Variants in STAC observed in about 807,000 individuals in gnomAD.
The protein encoded by STAC is SH3 and cysteine rich domain.
In STAC, 43 loss-of-function variants were observed where a neutral mutation model predicts 48.8. The ratio of observed to expected loss-of-function variants is 0.88; its 90% CI spans 0.69 to 1.14. The LOEUF (loss-of-function observed/expected upper bound fraction) is 1.14. Ranked by LOEUF, STAC falls within the 50% of genes most tolerant of loss-of-function variation. The pLI, the probability that STAC is intolerant of heterozygous loss-of-function variation, is 0.00. For missense variants in STAC, 497 were observed against 504.0 expected (o/e 0.99, Z 0.13); for synonymous variants, 193 against 179.5 (o/e 1.07, Z -0.60).
At chr3:36,408,810 C>T (rs991492349) in intron 1 of STAC, among the ~76,000 whole-genome samples, 2 of 152,160 alleles carry the variant, frequency 1.3e-5, no homozygotes, top group Admixed American at 1.3e-4. Context: ...TCCCTAGAGT[C>T]TCTCTGCATT....
intron 1 of STAC, among the ~76,000 whole-genome samples, chr3:36,411,105 C>G (rs1388056914): frequency 6.6e-6 from 1 of 152,216 alleles, no homozygotes; most frequent in Admixed American, 6.5e-5. Flanking sequence ...CTGGACTCAT[C>G]CTTGGCTACT....
At chr3:36,403,613 GA>G (rs1382419671) in intron 1 of STAC, among the ~76,000 whole-genome samples, 2 of 151,726 alleles carry the variant, frequency 1.3e-5, no homozygotes, top group African/African-American at 4.8e-5. Context: ...AATGATATGT[GA>G]AAAAATGAAA....
chr3:36,385,974 G>A (rs1458875992), intron 1 of STAC, among the ~76,000 whole-genome samples: 2 of 151,920 alleles, frequency 1.3e-5, no homozygotes, highest in Admixed American at 6.6e-5. Flanking sequence ...TATATTCTTT[G>A]TGGCACATAT....
chr3:36,471,859 C>T (rs936738993), intron 2 of STAC, among the ~76,000 whole-genome samples: 1 of 152,186 alleles, frequency 6.6e-6, no homozygotes, highest in African/African-American at 2.4e-5. Flanking sequence ...GCTACTTTTC[C>T]AGGCACACGG....
At chr3:36,482,848 T>C (rs1480847053) in intron 2 of STAC, 144 bp from the exon 3 acceptor site, 17 of 614,518 alleles carry the variant, frequency 2.8e-5, no homozygotes, top group South Asian at 2.2e-4. Flanking sequence ...GAATCTACCA[T>C]ATATATTTTT....
At chr3:36,478,828 GC>G (rs1454278900) in intron 2 of STAC, among the ~76,000 whole-genome samples, 1 of 152,082 alleles carries the variant, frequency 6.6e-6, no homozygotes, top group Non-Finnish European at 1.5e-5. Context: ...TCACCATGTT[GC>G]CCAGACTGGT....
intron 2 of STAC, among the ~76,000 whole-genome samples, chr3:36,472,569 G>A (rs1008228234): frequency 6.6e-6 from 1 of 152,206 alleles, no homozygotes; most frequent in East Asian, 1.9e-4. Flanking sequence ...GTCACCTCTT[G>A]AATGCTTTGC....
chr3:36,443,775 T>C lies in STAC; in HGVS notation c.388+135T>C, dbSNP rs1184157215. The C allele has an allele frequency of 5.9e-6, 7 of 1,184,834 alleles. No homozygotes were observed. The highest frequency in any genetic ancestry group is 8.2e-6 in the Non-Finnish European group (7 of 849,468). 73.4% of individuals were successfully genotyped at this position (1,184,834 alleles called of 1,614,324 possible). Reference sequence around the variant, plus strand: ...TACATGTGGGAAGATCATTCAGGAGTGCTTTGGGGAACAATATTTGTGAGA... The same window carrying C: ...TACATGTGGGAAGATCATTCAGGAGCGCTTTGGGGAACAATATTTGTGAGA... On this transcript the variant is annotated intron_variant, in intron 2 of 10. Transcript: ENST00000273183. The surrounding 1 kb of genome is among the most constrained non-coding windows in gnomAD (Gnocchi z 4.2).
chr3:36,503,948 A>G (rs916874829), intron 6 of STAC, among the ~76,000 whole-genome samples: 1 of 152,224 alleles, frequency 6.6e-6, no homozygotes, highest in East Asian at 1.9e-4. Flanking sequence ...TCAAGAAACT[A>G]CAATCAAGAT....
chr3:36,434,883 C>T (rs1575196909), intron 1 of STAC, among the ~76,000 whole-genome samples: 1 of 152,188 alleles, frequency 6.6e-6, no homozygotes, highest in African/African-American at 2.4e-5. Flanking sequence ...AACCTGGCAA[C>T]CACATGGATT....
intron 2 of STAC, among the ~76,000 whole-genome samples, chr3:36,450,681 A>G (rs1180282311): frequency 6.6e-6 from 1 of 152,150 alleles, no homozygotes; most frequent in African/African-American, 2.4e-5. Context: ...GCCCGCCACC[A>G]TGCCTGGCTA....
chr3:36,443,553 C>T lies in STAC; in HGVS notation c.301C>T (p.Leu101=). 6.2e-7 allele frequency: 1 copy of T among 1,614,216 alleles called. No homozygotes were observed. The highest frequency in any genetic ancestry group is 8.5e-7 in the Non-Finnish European group (1 of 1,180,048). The part of the protein sequence containing the change: ...SLTSTPARAG[L]HPGGKAHAFQ... ...GACGTCCACACCCGCCAGGGCTGGTCTGCATCCAGGTGGCAAGGCTCATGC... is the reference window on the plus strand; with the variant it reads ...GACGTCCACACCCGCCAGGGCTGGTTTGCATCCAGGTGGCAAGGCTCATGC... The change falls in exon 2 of 11, where the codon CTG becomes TTG. Residue 101 remains leucine (L), a synonymous_variant. Coordinates refer to ENST00000273183, the MANE Select transcript of STAC (RefSeq NM_003149.3). This position sits in a 1 kb window ranked among gnomAD's most constrained non-coding sequence, Gnocchi z 4.2.
Position 36,493,184 on chromosome 3 carries a change from A to C in STAC, c.721A>C (p.Asn241His). 1 of 1,613,560 alleles carries C rather than the reference A, an allele frequency of 6.2e-7. No individual in the cohort carries two copies. The highest frequency in any genetic ancestry group is 8.5e-7 in the Non-Finnish European group (1 of 1,179,656). The change falls in exon 6 of 11, where the codon AAT becomes CAT. Residue 241 changes from asparagine (N) to histidine (H), a missense_variant. Physicochemically the swap from Asn to His is moderately conservative, Grantham distance 68 (BLOSUM62 1). Coordinates refer to ENST00000273183, the MANE Select transcript of STAC (RefSeq NM_003149.3). ...TCTTGTGGAGGTTCCTGAGGAAGCCAATGGGCCAGGAGGCGGGTATGACCT... is the reference window on the plus strand; with the variant it reads ...TCTTGTGGAGGTTCCTGAGGAAGCCCATGGGCCAGGAGGCGGGTATGACCT... ...SDLVEVPEEA[N>H]GPGGGYDLRK...
Position 36,485,059 on chromosome 3 carries a change from G to T in STAC, c.571+1G>T. 1 of 1,601,446 alleles carries T rather than the reference G, an allele frequency of 6.2e-7. No homozygotes were observed. The highest frequency in any genetic ancestry group is 8.5e-7 in the Non-Finnish European group (1 of 1,173,988). On this transcript the variant is annotated splice_donor_variant, in intron 4 of 10. Coordinates refer to ENST00000273183, the MANE Select transcript of STAC (RefSeq NM_003149.3). LOFTEE classifies it high-confidence loss of function. ...TGCATTAAAGAAGTTATGCCCATTG[G>T]TGAGTTGGGACATTGATGGGTTGAG...
At chr3:36,447,360 G>T (rs1189187406) in intron 2 of STAC, among the ~76,000 whole-genome samples, 1 of 152,076 alleles carries the variant, frequency 6.6e-6, no homozygotes, top group Non-Finnish European at 1.5e-5. Flanking sequence ...CTATATCTGT[G>T]AACATACTTT....
intron 8 of STAC, among the ~76,000 whole-genome samples, chr3:36,527,359 A>G (rs1418511743): frequency 6.6e-6 from 1 of 152,204 alleles, no homozygotes; most frequent in Non-Finnish European, 1.5e-5. Context: ...TCTTTCAGAA[A>G]AGAATAAGGA....
chr3:36,470,272 T>C (rs972662881), intron 2 of STAC, among the ~76,000 whole-genome samples: 42 of 152,244 alleles, frequency 2.8e-4, no homozygotes, highest in African/African-American at 1.0e-3. Flanking sequence ...CTTGATGTGG[T>C]ATTCTCCTGT....
intron 2 of STAC, among the ~76,000 whole-genome samples, chr3:36,475,017 G>A (rs559867500): frequency 2.3e-4 from 35 of 152,168 alleles, no homozygotes; most frequent in African/African-American, 5.5e-4. Flanking sequence ...GTGTGCGCGC[G>A]CGCACGCATG....
In STAC at chr3:36,400,932, A is replaced by G. The variant is rs1012183429; in HGVS notation, c.111+20178A>G. Among the ~76,000 whole-genome samples, 4 of 152,218 alleles carry G rather than the reference A, an allele frequency of 2.6e-5. No homozygotes were observed. In the South Asian group the frequency reaches 8.3e-4, roughly 32 times the overall value. The stretch of plus-strand genomic sequence containing the variant: ...CTCCATGGATGGCCAGAATTAATTC[A>G]TGTAGCAAGGAGGAAAGTGCCAGGA... On this transcript the variant is annotated intron_variant, in intron 1 of 10. Transcript: ENST00000273183.
Sources: allele counts gnomAD v4.1 joint callset (sites outside exome capture counted in the v4.1 genomes callset), GRCh38; gene constraint gnomAD v4.1.1; non-coding constraint Gnocchi (gnomAD v3.1); transcripts MANE v1.5; gene names NCBI Gene and HGNC (gene_info 2026-07-23, HGNC 2026-07-21).